The following DCTN5 variants were observed in gnomAD, a reference collection of about 807,000 sequenced individuals.
The protein encoded by DCTN5 is dynactin 4.
DCTN5 carries 14 observed loss-of-function variants against 23.5 expected under a neutral mutation model. The observed-to-expected ratio is 0.60, with a 90% CI of 0.39 to 0.93. DCTN5 has a LOEUF of 0.93. Ranked by LOEUF, DCTN5 falls within the 40% of genes least tolerant of loss-of-function variation. The probability of loss-of-function intolerance (pLI) is 0.00; values close to 1 mark genes in which losing one functional copy is unlikely to be tolerated. For missense variants in DCTN5, 156 were observed against 225.9 expected (o/e 0.69, Z 1.98); for synonymous variants, 67 against 79.6 (o/e 0.84, Z 0.84).
At position 23,675,369 on chromosome 16, in the gene DCTN5, A is replaced by G. The variant is rs1436627396; in HGVS notation, c.*8225A>G. The stretch of plus-strand genomic sequence containing the variant: ...GCAAAAATTAGCTGGACATGATGGC[A>G]TGTGCCTTTGGTTCCAGCTACTTAG... On this transcript the variant is annotated 3_prime_UTR_variant, in exon 6 of 6. Transcript: ENST00000300087. 1 of 152,144 alleles carries G rather than the reference A, an allele frequency of 6.6e-6. No individual in the cohort carries two copies. Among genetic ancestry groups the G allele is most frequent in the East Asian group, 1.9e-4 (1 of 5,192 alleles). The allele number at this position is 152,144 out of a possible 1,614,324, so 9.4% of individuals were successfully genotyped here. A position where few individuals can be genotyped will look rare whatever the true frequency, so the allele number is the denominator to read the frequency against.
rs869033729 is a variant in DCTN5 at position 23,645,137 on chromosome 16, A to ATTTTTTT, written c.117+2122_117+2128dup. On this transcript the variant is annotated intron_variant, in intron 2 of 5. Coordinates refer to ENST00000300087, the MANE Select transcript of DCTN5 (RefSeq NM_032486.4). ...TATATATATATATATATATATATATATTTTTTTTTTTTTTAATACGCAGTT... is the reference window on the plus strand; with the variant it reads ...TATATATATATATATATATATATATATTTTTTTTTTTTTTTTTTTTTAATACGCAGTT... Among the ~76,000 whole-genome samples, 18 of 30,802 alleles carry ATTTTTTT rather than the reference A, an allele frequency of 5.8e-4. 2 individuals are homozygous for ATTTTTTT. Among genetic ancestry groups the ATTTTTTT allele is most frequent in the South Asian group, 1.3e-3 (1 of 778 alleles). 20.2% of individuals were successfully genotyped at this position (30,802 alleles called of 152,430 possible).
intron 5 of DCTN5, chr16:23,666,058 G>T: frequency 4.1e-6 from 1 of 245,580 alleles, no homozygotes; most frequent in Non-Finnish European, 7.8e-6. Context: ...TGGAAATAAA[G>T]CCTTGGATCC....
chr16:23,667,048 A>T lies in DCTN5; in HGVS notation c.453A>T (p.Gly151=), dbSNP rs1384669729. Residue 151 remains glycine, a splice_region_variant and synonymous_variant, in exon 6 of 6, where the codon GGA becomes GGT. Coordinates refer to ENST00000300087, the MANE Select transcript of DCTN5 (RefSeq NM_032486.4). ...PPFTVFSGCP[G]LFSGELPECT... is the part of the protein sequence containing the mutation. ...AGAGCTGGGTCTTTCTTTCCCCAGG[A>T]CTCTTCTCAGGGGAGCTCCCGGAGT... is the stretch of plus-strand genomic sequence containing the variant. 2 of 1,613,550 alleles carry T rather than the reference A, an allele frequency of 1.2e-6. No homozygotes were observed. Among genetic ancestry groups the T allele is most frequent in the Admixed American group, 1.7e-5 (1 of 59,996 alleles).
intron 4 of DCTN5, among the ~76,000 whole-genome samples, chr16:23,664,258 C>G (rs1030005107): frequency 1.3e-5 from 2 of 152,202 alleles, no homozygotes; most frequent in African/African-American, 4.8e-5. Context: ...ATTCTCATAG[C>G]TGTTATCCAC....
At chr16:23,666,868 G>A (rs80339945) in intron 5 of DCTN5, 179 bp from the exon 6 acceptor site, 3 of 901,866 alleles carry the variant, frequency 3.3e-6, no homozygotes, top group South Asian at 3.6e-5. Flanking sequence ...CCATATTGGG[G>A]TCCTGCTGTG....
rs543154570 is a variant in DCTN5, at chr16:23,658,726, T to C, written c.236+101T>C. The C allele has an allele frequency of 3.4e-5, 29 of 858,308 alleles. 2 individuals are homozygous for C. The highest frequency in any genetic ancestry group is 4.4e-4 in the Middle Eastern group (2 of 4,500). The allele number at this position is 858,308 out of a possible 1,614,324, so 53.2% of individuals were successfully genotyped here. ...TGGTATAATGACTAGGTCTGTCCTG[T>C]TTGAAGCACTGAGTAAGAGTTCACC... On this transcript the variant is annotated intron_variant, in intron 3 of 5. Coordinates refer to ENST00000300087, the MANE Select transcript of DCTN5 (RefSeq NM_032486.4).
At position 23,674,387 on chromosome 16, in the gene DCTN5, C is replaced by G. The variant is rs1353824720; in HGVS notation, c.*7243C>G. 2 of 152,222 alleles carry G rather than the reference C, an allele frequency of 1.3e-5. No individual in the cohort carries two copies. The highest frequency in any genetic ancestry group is 2.9e-5 in the Non-Finnish European group (2 of 68,076). 9.4% of individuals were successfully genotyped at this position (152,222 alleles called of 1,614,324 possible). A position where few individuals can be genotyped will look rare whatever the true frequency, so the allele number is the denominator to read the frequency against. ...TGCATTCCTAACTTCTAATATTTGCCAAACGCTCCAAGCTGGGGAAGGGCA... is the reference window on the plus strand; with the variant it reads ...TGCATTCCTAACTTCTAATATTTGCGAAACGCTCCAAGCTGGGGAAGGGCA... On this transcript the variant is annotated 3_prime_UTR_variant, in exon 6 of 6. Coordinates refer to ENST00000300087, the MANE Select transcript of DCTN5 (RefSeq NM_032486.4).
chr16:23,650,776 C>T (rs1386228789), intron 2 of DCTN5: 2 of 1,534,822 alleles, frequency 1.3e-6, no homozygotes, highest in Non-Finnish European at 1.7e-6. Flanking sequence ...TTTCTGTTTT[C>T]CTGAGCCCAT....
chr16:23,641,681 A>G, intron 1 of DCTN5, 91 bp downstream of exon 1: 1 of 1,336,584 alleles, frequency 7.5e-7, no homozygotes, highest in Non-Finnish European at 1.1e-6. Flanking sequence ...TACCCCACCA[A>G]CCCCTGTCCC....
intron 4 of DCTN5, among the ~76,000 whole-genome samples, chr16:23,663,801 A>C (rs1023101956): frequency 6.6e-6 from 1 of 152,096 alleles, no homozygotes; most frequent in Non-Finnish European, 1.5e-5. Flanking sequence ...CTACATTTTA[A>C]ATGTTTAATT....
chr16:23,661,308 G>A, intron 4 of DCTN5, 27 bp downstream of exon 4: 2 of 1,553,022 alleles, frequency 1.3e-6, no homozygotes, highest in East Asian at 4.5e-5. Flanking sequence ...GGCTGGCAAA[G>A]CAGCTTCACT....
intron 2 of DCTN5, among the ~76,000 whole-genome samples, chr16:23,654,968 A>G (rs967373258): frequency 2.0e-5 from 3 of 152,186 alleles, no homozygotes; most frequent in Non-Finnish European, 2.9e-5. Flanking sequence ...TCCATTATGT[A>G]TATATACTAC....
rs1567236160 is a variant in DCTN5 at position 23,672,050 on chromosome 16, T to G, written c.*4906T>G. ...TCAGCTGCATTCATCTCAGTTGGTG[T>G]TGTCTGCTGGCTGCTCTTTCTGATT... On this transcript the variant is annotated 3_prime_UTR_variant, in exon 6 of 6. Transcript: ENST00000300087. The G allele has an allele frequency of 6.6e-6, 1 of 152,190 alleles. No homozygotes were observed. Among genetic ancestry groups the G allele is most frequent in the African/African-American group, 2.4e-5 (1 of 41,428 alleles). The allele number at this position is 152,190 out of a possible 1,614,324, so 9.4% of individuals were successfully genotyped here. A position where few individuals can be genotyped will look rare whatever the true frequency, so the allele number is the denominator to read the frequency against.
At chr16:23,645,110 TATATATATATATATATATATATA>T (rs1407555902) in intron 2 of DCTN5, among the ~76,000 whole-genome samples, 824 of 39,558 alleles carry the variant, frequency 0.021, 66 homozygotes, top group African/African-American at 0.074. Flanking sequence ...TATATATATA[TATATATATATATATATATATATA>T]TATATTTTTT....
chr16:23,650,621 G>A (rs947056469), intron 2 of DCTN5: 18 of 801,738 alleles, frequency 2.2e-5, no homozygotes, highest in Admixed American at 7.5e-5. Flanking sequence ...CACTGCACCC[G>A]GCTGGCCCGT....
intron 2 of DCTN5, among the ~76,000 whole-genome samples, chr16:23,645,244 C>T (rs1465898322): frequency 2.0e-5 from 3 of 149,582 alleles, no homozygotes; most frequent in Admixed American, 6.7e-5. Context: ...AAGTGATTCT[C>T]CTGCCTCAGA....
intron 2 of DCTN5, among the ~76,000 whole-genome samples, chr16:23,649,023 AT>A (rs954954301): frequency 3.3e-5 from 5 of 151,516 alleles, no homozygotes; most frequent in South Asian, 4.2e-4. Flanking sequence ...ATGCTGGCTA[AT>A]TTTTTTTGTA....
At chr16:23,658,379 G>A (rs979994249) in intron 2 of DCTN5, 128 bp from the exon 3 acceptor site, 15 of 697,120 alleles carry the variant, frequency 2.2e-5, no homozygotes, top group African/African-American at 5.3e-5. Context: ...TCCTTTTGGC[G>A]GAACATTTGA....
chr16:23,642,207 A>T (rs1397732841), intron 1 of DCTN5, among the ~76,000 whole-genome samples: 1 of 152,170 alleles, frequency 6.6e-6, no homozygotes, highest in Non-Finnish European at 1.5e-5. Flanking sequence ...TGCTGGCATT[A>T]CAGGCGTGAG....
Sources: gnomAD v4.1 joint callset for allele counts (sites outside exome capture counted in the v4.1 genomes callset) on GRCh38, gnomAD v4.1.1 for gene constraint, MANE v1.5 for transcripts, NCBI Gene and HGNC (gene_info 2026-07-23, HGNC 2026-07-21) for gene names.